Variants in TULP4 observed in about 807,000 individuals in gnomAD.
TULP4 encodes tubby-related protein 4.
In TULP4, 16 loss-of-function variants were observed where a neutral mutation model predicts 129.0. The observed-to-expected ratio is 0.12, with a 90% CI of 0.08 to 0.19. The LOEUF is 0.19. TULP4 is among the 10% of genes least tolerant of loss of function. The probability of loss-of-function intolerance (pLI) is 1.00; values close to 1 mark genes in which losing one functional copy is unlikely to be tolerated. For synonymous variants in TULP4, 998 were observed against 854.0 expected, an observed-to-expected ratio of 1.17 and a Z score of -2.94; for missense variants, 1,842 against 2,059.1, an observed-to-expected ratio of 0.89 and a Z score of 2.04.
intron 1 of TULP4, among the ~76,000 whole-genome samples, chr6:158,365,527 A>T (rs1231022010): frequency 7.0e-6 from 1 of 142,406 alleles, no homozygotes; most frequent in Non-Finnish European, 1.5e-5. Context: ...CCCAGGCTGG[A>T]GTGCAGTGGT....
chr6:158,340,666 A>T (rs1176276799), intron 1 of TULP4, among the ~76,000 whole-genome samples: 3 of 151,780 alleles, frequency 2.0e-5, no homozygotes, highest in Non-Finnish European at 4.4e-5. Flanking sequence ...AGAAAAGGTG[A>T]CTCCGCTGAG....
At chr6:158,497,675 A>G (rs1195434244) in intron 11 of TULP4, among the ~76,000 whole-genome samples, 3 of 152,264 alleles carry the variant, frequency 2.0e-5, no homozygotes, top group African/African-American at 7.2e-5. Context: ...CAAAATTCAT[A>G]TTATCTTTCC....
chr6:158,402,294 G>T (rs1219015200), intron 1 of TULP4, among the ~76,000 whole-genome samples: 1 of 144,464 alleles, frequency 6.9e-6, no homozygotes, highest in Admixed American at 6.8e-5. Context: ...CATATTCCCA[G>T]TGTGGCAACA....
At chr6:158,428,051 A>T (rs948030065) in intron 2 of TULP4, 1 of 152,176 alleles carries the variant, frequency 6.6e-6, no homozygotes, top group African/African-American at 2.4e-5. Flanking sequence ...TGGACCCGGG[A>T]GGTGGAGGTT....
At chr6:158,409,151 T>TA (rs1358213649) in intron 1 of TULP4, among the ~76,000 whole-genome samples, 1 of 152,190 alleles carries the variant, frequency 6.6e-6, no homozygotes, top group Non-Finnish European at 1.5e-5. Context: ...GTTCTAGGTG[T>TA]AAGAAGTGAT....
At chr6:158,394,104 A>C (rs1162731686) in intron 1 of TULP4, among the ~76,000 whole-genome samples, 1 of 152,214 alleles carries the variant, frequency 6.6e-6, no homozygotes, top group East Asian at 1.9e-4. Context: ...TTCTTCTGGC[A>C]GATACCCTAA....
At chr6:158,237,020 A>G (rs1777724719) in intron 1 of TULP4, among the ~76,000 whole-genome samples, 1 of 151,756 alleles carries the variant, frequency 6.6e-6, no homozygotes, top group African/African-American at 2.4e-5. Context: ...TGTGTTGGCC[A>G]GGCTGGTCTC....
intron 11 of TULP4, among the ~76,000 whole-genome samples, chr6:158,495,079 T>G (rs1780302397): frequency 6.6e-6 from 1 of 152,126 alleles, no homozygotes; most frequent in African/African-American, 2.4e-5. Flanking sequence ...TAACTTTTTT[T>G]TTGAGATAGT....
chr6:158,301,601 C>T (rs919707636), intron 1 of TULP4, among the ~76,000 whole-genome samples: 5 of 152,128 alleles, frequency 3.3e-5, no homozygotes, highest in Non-Finnish European at 4.4e-5. Context: ...GATAAACAGA[C>T]AAAGTTTTTG....
intron 1 of TULP4, among the ~76,000 whole-genome samples, chr6:158,271,359 A>T (rs1778542876): frequency 6.6e-6 from 1 of 151,992 alleles, no homozygotes; most frequent in Non-Finnish European, 1.5e-5. Flanking sequence ...GATGAGGAGG[A>T]AGGGCAAGGA....
chr6:158,244,654 G>C (rs974330168), intron 1 of TULP4, among the ~76,000 whole-genome samples: 1 of 152,056 alleles, frequency 6.6e-6, no homozygotes, highest in Non-Finnish European at 1.5e-5. Flanking sequence ...TACCTTGCTG[G>C]TACCTTGATC....
upstream of TULP4, among the ~76,000 whole-genome samples, chr6:158,309,901 G>A (rs139955177): frequency 0.011 from 1,396 of 122,130 alleles, 40 homozygotes; most frequent in African/African-American, 0.036. Context: ...GAGGGAGACC[G>A]TGGGGAGAGG....
chr6:158,264,589 G>A (rs192867452), intron 1 of TULP4, among the ~76,000 whole-genome samples: 2 of 152,056 alleles, frequency 1.3e-5, no homozygotes, highest in African/African-American at 2.4e-5. Flanking sequence ...GCACCTGGAG[G>A]GCTGCCTGGA....
intron 1 of TULP4, among the ~76,000 whole-genome samples, chr6:158,276,221 T>C (rs1378664987): frequency 6.6e-6 from 1 of 152,018 alleles, no homozygotes; most frequent in Non-Finnish European, 1.5e-5. Context: ...CTGCCCACCT[T>C]GGCCTCCCAA....
intron 1 of TULP4, among the ~76,000 whole-genome samples, chr6:158,351,749 C>T (rs1403830497): frequency 9.5e-6 from 1 of 105,294 alleles, no homozygotes; most frequent in East Asian, 3.3e-4. Flanking sequence ...GACAGAGTCT[C>T]ACTCTGTTGC....
intron 1 of TULP4, chr6:158,238,373 C>T (rs901483156): frequency 3.6e-5 from 25 of 698,374 alleles, no homozygotes; most frequent in Middle Eastern, 5.9e-4. Flanking sequence ...AGGCATTGTT[C>T]GGCCTGGTTT....
At position 158,503,989 on chromosome 6, in the gene TULP4, G is replaced by A; in HGVS notation, c.4326G>A (p.Leu1442=). Residue 1442 remains leucine, a synonymous_variant, in exon 13 of 14, where the codon CTG becomes CTA. Coordinates refer to ENST00000367097, the MANE Select transcript of TULP4 (RefSeq NM_020245.5). The surrounding 1 kb of genome is among the most constrained non-coding windows in gnomAD (Gnocchi z 4.3). ...GCTCCCCACGGGCCGCCGGCGAGCT[G>A]GAGGAGGCCAAGTGCCGGCGGGCCA... The part of the protein sequence containing the change: ...SKRSPRAAGE[L]EEAKCRRASE... The A allele has an allele frequency of 2.5e-6, 4 of 1,613,086 alleles. No homozygotes were observed. The East Asian group carries it at 8.9e-5, about 36-fold the overall frequency.
At chr6:158,271,751 G>A (rs1055191102) in intron 1 of TULP4, among the ~76,000 whole-genome samples, 1 of 152,072 alleles carries the variant, frequency 6.6e-6, no homozygotes, top group African/African-American at 2.4e-5. Flanking sequence ...ATTTTGAAAC[G>A]GTAGCTTTGA....
At chr6:158,364,710 C>T (rs1780882665) in intron 1 of TULP4, among the ~76,000 whole-genome samples, 2 of 152,074 alleles carry the variant, frequency 1.3e-5, no homozygotes, top group Non-Finnish European at 2.9e-5. Flanking sequence ...TGCAGCCTCA[C>T]AGCAATCTAC....
Sources: gnomAD v4.1 joint callset for allele counts (sites outside exome capture counted in the v4.1 genomes callset) on GRCh38, gnomAD v4.1.1 for gene constraint, Gnocchi (gnomAD v3.1) non-coding constraint, MANE v1.5 for transcripts, NCBI Gene and HGNC (gene_info 2026-07-23, HGNC 2026-07-21) for gene names.